The following KCNK1 variants were observed in gnomAD, a reference collection of about 807,000 sequenced individuals.
KCNK1 encodes the protein potassium channel subfamily K member 1.
Under a neutral mutation model 22.2 loss-of-function variants are expected in KCNK1, and 10 were observed. The observed-to-expected ratio is 0.45, with a 90% confidence interval of 0.28 to 0.76. The LOEUF (loss-of-function observed/expected upper bound fraction) is 0.76, where lower values mean the gene tolerates loss of function less well. Ranked by LOEUF, KCNK1 falls within the 30% of genes least tolerant of loss-of-function variation. The pLI is 0.14. For synonymous variants in KCNK1, 200 were observed against 186.4 expected (o/e 1.07, Z -0.60); for missense variants, 378 against 421.0 (o/e 0.90, Z 0.89).
At chr1:233,632,591 G>C (rs1657820459) in intron 1 of KCNK1, among the ~76,000 whole-genome samples, 1 of 152,066 alleles carries the variant, frequency 6.6e-6, no homozygotes, top group Non-Finnish European at 1.5e-5. Flanking sequence ...TTCACAAGGG[G>C]CTCTGGTTCA....
intron 1 of KCNK1, among the ~76,000 whole-genome samples, chr1:233,623,823 C>T (rs1445014484): frequency 6.6e-6 from 1 of 152,118 alleles, no homozygotes; most frequent in African/African-American, 2.4e-5. Flanking sequence ...AACTCCTGGC[C>T]TCAGGTGATC....
intron 1 of KCNK1, among the ~76,000 whole-genome samples, chr1:233,628,481 C>A (rs571691483): frequency 5.5e-4 from 83 of 152,236 alleles, no homozygotes; most frequent in Non-Finnish European, 1.0e-3. Context: ...AAAAGTCGGC[C>A]GGATGTGGTG....
chr1:233,633,281 CAAAA>C (rs1183050872), intron 1 of KCNK1, among the ~76,000 whole-genome samples: 2 of 150,164 alleles, frequency 1.3e-5, no homozygotes, highest in African/African-American at 4.9e-5. Context: ...AACAAACAAA[CAAAA>C]AAAACCACAC....
chr1:233,652,990 C>G (rs1252799018), intron 1 of KCNK1, among the ~76,000 whole-genome samples: 1 of 152,198 alleles, frequency 6.6e-6, no homozygotes, highest in Non-Finnish European at 1.5e-5. Flanking sequence ...GCATGCCTTT[C>G]CTATGCAAAC....
intron 1 of KCNK1, among the ~76,000 whole-genome samples, chr1:233,646,371 T>C (rs948687388): frequency 6.6e-6 from 1 of 151,670 alleles, no homozygotes; most frequent in Non-Finnish European, 1.5e-5. Context: ...GCAGCCAGGG[T>C]GGAAAAACCA....
At chr1:233,651,158 A>G (rs928856713) in intron 1 of KCNK1, among the ~76,000 whole-genome samples, 15 of 152,040 alleles carry the variant, frequency 9.9e-5, no homozygotes, top group African/African-American at 3.6e-4. Flanking sequence ...TGCCCCCATT[A>G]CCTCTGCAAT....
At chr1:233,624,625 G>T (rs951757336) in intron 1 of KCNK1, among the ~76,000 whole-genome samples, 3 of 151,098 alleles carry the variant, frequency 2.0e-5, no homozygotes, top group Admixed American at 1.3e-4. Context: ...AATGAAGAAG[G>T]TTCTAAAGAT....
chr1:233,647,500 T>C lies in KCNK1; in HGVS notation c.356-19095T>C, dbSNP rs962629940. ...GGGCACAGGAGCCATGGCTGTGGAT[T>C]GGAGAGTTTCTGCCCTTTACCAACT... On this transcript the variant is annotated intron_variant, in intron 1 of 2. Transcript: ENST00000366621. 4.6e-5 allele frequency among the ~76,000 whole-genome samples: 7 copies of C among 152,252 alleles called. No individual in the cohort carries two copies. In the East Asian group the frequency reaches 1.4e-3, roughly 29 times the overall value.
At chr1:233,626,094 G>A (rs750393963) in intron 1 of KCNK1, among the ~76,000 whole-genome samples, 1 of 151,754 alleles carries the variant, frequency 6.6e-6, no homozygotes, top group Admixed American at 6.6e-5. Flanking sequence ...CTAAAAGGAG[G>A]CTCTTCTGAT....
intron 1 of KCNK1, among the ~76,000 whole-genome samples, chr1:233,656,245 G>A (rs1338377999): frequency 1.3e-5 from 2 of 152,200 alleles, no homozygotes; most frequent in African/African-American, 2.4e-5. Flanking sequence ...TCTCTCTGAA[G>A]AACAAAGAGA....
intron 1 of KCNK1, among the ~76,000 whole-genome samples, chr1:233,633,130 C>T (rs928338579): frequency 4.0e-5 from 6 of 150,786 alleles, no homozygotes; most frequent in Non-Finnish European, 8.8e-5. Context: ...GCAATGAGAG[C>T]CTGGAGAAAC....
At chr1:233,667,639 A>G (rs1488313196) in intron 2 of KCNK1, among the ~76,000 whole-genome samples, 1 of 148,758 alleles carries the variant, frequency 6.7e-6, no homozygotes, top group East Asian at 2.0e-4. Context: ...CTGAGGCAGG[A>G]GAATGGCGTG....
At chr1:233,648,195 A>G (rs1363385795) in intron 1 of KCNK1, among the ~76,000 whole-genome samples, 2 of 152,220 alleles carry the variant, frequency 1.3e-5, no homozygotes, top group Non-Finnish European at 2.9e-5. Flanking sequence ...TGTCTCTATA[A>G]AAGCAGAATT....
intron 1 of KCNK1, among the ~76,000 whole-genome samples, chr1:233,651,829 G>A (rs184931724): frequency 1.1e-4 from 16 of 152,330 alleles, no homozygotes; most frequent in East Asian, 3.9e-4. Flanking sequence ...GCCAGGACAC[G>A]TTGATGGCAT....
chr1:233,617,071 T>A (rs1361003770), intron 1 of KCNK1, among the ~76,000 whole-genome samples: 1 of 152,022 alleles, frequency 6.6e-6, no homozygotes, highest in African/African-American at 2.4e-5. Flanking sequence ...TTCTTAACAC[T>A]TCTAGTCCTT....
At chr1:233,632,699 C>G (rs921462928) in intron 1 of KCNK1, among the ~76,000 whole-genome samples, 3 of 152,118 alleles carry the variant, frequency 2.0e-5, no homozygotes, top group Non-Finnish European at 2.9e-5. Context: ...CTTCTGCTGT[C>G]CACTCACTGG....
At chr1:233,619,578 GT>G (rs1182003441) in intron 1 of KCNK1, among the ~76,000 whole-genome samples, 4 of 152,096 alleles carry the variant, frequency 2.6e-5, no homozygotes, top group African/African-American at 9.7e-5. Context: ...TAGTACAAAT[GT>G]GTTGTTACCA....
Position 233,671,345 on chromosome 1 carries a change from T to A in KCNK1, c.826T>A (p.Phe276Ile). 6.2e-7 allele frequency: 1 copy of A among 1,614,026 alleles called. No individual in the cohort carries two copies. The highest frequency in any genetic ancestry group is 8.5e-7 in the Non-Finnish European group (1 of 1,180,022). Residue 276 changes from phenylalanine (F) to isoleucine (I), a missense_variant, in exon 3 of 3, where the codon TTC becomes ATC. Coordinates refer to ENST00000366621, the MANE Select transcript of KCNK1 (RefSeq NM_002245.4). Reference sequence around the variant, plus strand: ...CTGTGAACTCCATGAGCTGAAAAAATTCAGAAAAATGTTCTATGTGAAGAA... The same window carrying A: ...CTGTGAACTCCATGAGCTGAAAAAAATCAGAAAAATGTTCTATGTGAAGAA... The part of the protein sequence containing the change: ...TFCELHELKK[F>I]RKMFYVKKDK...
chr1:233,657,346 G>A (rs550926636), intron 1 of KCNK1, among the ~76,000 whole-genome samples: 1 of 152,296 alleles, frequency 6.6e-6, no homozygotes, highest in Admixed American at 6.5e-5. Flanking sequence ...TTGGGGGAAA[G>A]CTGTATTAAA....
Sources: gnomAD v4.1 joint callset for allele counts (sites outside exome capture counted in the v4.1 genomes callset) on GRCh38, gnomAD v4.1.1 for gene constraint, MANE v1.5 for transcripts, NCBI Gene and HGNC (gene_info 2026-07-23, HGNC 2026-07-21) for gene names.